The following NKAIN2 variants were observed in gnomAD, a reference collection of about 807,000 sequenced individuals.
NKAIN2 encodes the protein sodium/potassium-transporting ATPase subunit beta-1-interacting protein 2.
In NKAIN2, 14 loss-of-function variants were observed where a neutral mutation model predicts 32.6. The observed-to-expected ratio is 0.43, with a 90% CI of 0.28 to 0.67. NKAIN2 has a LOEUF of 0.67. Among genes scored for constraint, NKAIN2 ranks in the 30% least tolerant of loss-of-function variants. The pLI, the probability that NKAIN2 is intolerant of heterozygous loss-of-function variation, is 0.17. For synonymous variants in NKAIN2, 80 were observed against 87.2 expected (o/e 0.92, Z 0.46); for missense variants, 198 against 258.3 (o/e 0.77, Z 1.60).
intron 1 of NKAIN2, among the ~76,000 whole-genome samples, chr6:123,988,833 A>C (rs1382084163): frequency 3.3e-5 from 5 of 151,892 alleles, no homozygotes; most frequent in Non-Finnish European, 4.4e-5. Context: ...AGTAGTTTGT[A>C]GTAAAACTGA....
At chr6:124,651,680 G>A (rs1260233185) in intron 3 of NKAIN2, among the ~76,000 whole-genome samples, 3 of 152,082 alleles carry the variant, frequency 2.0e-5, no homozygotes, top group Admixed American at 6.5e-5. Flanking sequence ...ATAAACACAG[G>A]GAACAGAGGC....
intron 3 of NKAIN2, among the ~76,000 whole-genome samples, chr6:124,543,413 A>T (rs1047301904): frequency 6.6e-6 from 1 of 152,212 alleles, no homozygotes; most frequent in African/African-American, 2.4e-5. Context: ...CTTCATTGTA[A>T]TAAGAAAACT....
intron 1 of NKAIN2, among the ~76,000 whole-genome samples, chr6:123,869,689 T>C (rs1179081006): frequency 6.6e-6 from 1 of 152,214 alleles, no homozygotes; most frequent in Admixed American, 6.5e-5. Flanking sequence ...CATATGTGTT[T>C]CTATTTAGTT....
chr6:123,818,354 AACACACACACACACACAC>A (rs36066775), intron 1 of NKAIN2, among the ~76,000 whole-genome samples: 34 of 144,622 alleles, frequency 2.4e-4, no homozygotes, highest in African/African-American at 4.0e-4. Context: ...TTCTTGTGGA[AACACACACACACACACAC>A]ACACACACAC....
At chr6:124,462,772 A>G (rs1776583529) in intron 3 of NKAIN2, among the ~76,000 whole-genome samples, 1 of 152,082 alleles carries the variant, frequency 6.6e-6, no homozygotes, top group African/African-American at 2.4e-5. Flanking sequence ...TTTTATATGT[A>G]CTTCGATGTA....
Position 124,412,824 on chromosome 6 carries a change from A to C in NKAIN2, c.273+57477A>C, listed in dbSNP as rs189386715. On this transcript the variant is annotated intron_variant, in intron 3 of 6. Coordinates refer to ENST00000368417, the MANE Select transcript of NKAIN2 (RefSeq NM_001040214.3). ...CCTTGATCTGTGGTGGGCTCCACCC[A>C]GTTCGAGCTTCCTGGCTGCTTTGTT... Among the ~76,000 whole-genome samples the C allele has an allele frequency of 1.0e-3, 155 of 152,298 alleles. 1 individual carries two copies. Among genetic ancestry groups the C allele is most frequent in the African/African-American group, 3.6e-3 (150 of 41,566 alleles).
chr6:124,526,952 A>G (rs2114811006), intron 3 of NKAIN2, among the ~76,000 whole-genome samples: 1 of 152,194 alleles, frequency 6.6e-6, no homozygotes, highest in South Asian at 2.1e-4. Flanking sequence ...TTTCCTTATT[A>G]GCCTCAGCTA....
chr6:123,952,835 T>C (rs1479023174), intron 1 of NKAIN2, among the ~76,000 whole-genome samples: 2 of 152,186 alleles, frequency 1.3e-5, no homozygotes, highest in South Asian at 4.1e-4. Context: ...CACTGAGCTT[T>C]TAAAATATTT....
chr6:124,612,821 T>A (rs1175693773), intron 3 of NKAIN2, among the ~76,000 whole-genome samples: 1 of 152,144 alleles, frequency 6.6e-6, no homozygotes, highest in Non-Finnish European at 1.5e-5. Context: ...CAACTATGTA[T>A]CCTTATATGA....
At chr6:124,531,324 A>G (rs917650991) in intron 3 of NKAIN2, among the ~76,000 whole-genome samples, 1 of 152,214 alleles carries the variant, frequency 6.6e-6, no homozygotes, top group Non-Finnish European at 1.5e-5. Flanking sequence ...TTTTCTAACC[A>G]AAACTTATTC....
chr6:124,161,338 A>G (rs1303735158), intron 1 of NKAIN2, among the ~76,000 whole-genome samples: 1 of 152,092 alleles, frequency 6.6e-6, no homozygotes, highest in Non-Finnish European at 1.5e-5. Flanking sequence ...AACAGCACCA[A>G]GGTATAAATC....
chr6:124,248,391 T>C (rs1793526202), intron 1 of NKAIN2, among the ~76,000 whole-genome samples: 1 of 152,040 alleles, frequency 6.6e-6, no homozygotes, highest in African/African-American at 2.4e-5. Flanking sequence ...CCTGTGTTTG[T>C]TTTATGTCTT....
intron 1 of NKAIN2, among the ~76,000 whole-genome samples, chr6:123,895,665 C>G (rs1399102286): frequency 2.0e-5 from 3 of 152,116 alleles, no homozygotes; most frequent in Admixed American, 6.6e-5. Flanking sequence ...TTTGACAGCT[C>G]TAATGCAAAC....
chr6:124,756,684 G>GA lies in NKAIN2; in HGVS notation c.475-34648dup, dbSNP rs761080414. Reference sequence around the variant, plus strand: ...AAATAGAAAGAAGGCAACTTACAATGAAAAAAACTAGAAGCAAAATGAAGA... The same window carrying GA: ...AAATAGAAAGAAGGCAACTTACAATGAAAAAAAACTAGAAGCAAAATGAAGA... On this transcript the variant is annotated intron_variant, in intron 4 of 6. Coordinates refer to ENST00000368417, the MANE Select transcript of NKAIN2 (RefSeq NM_001040214.3). Among the ~76,000 whole-genome samples the GA allele has an allele frequency of 6.6e-4, 101 of 151,954 alleles. 1 individual carries two copies. The highest frequency in any genetic ancestry group is 1.1e-3 in the Non-Finnish European group (73 of 67,966).
intron 1 of NKAIN2, among the ~76,000 whole-genome samples, chr6:123,958,388 T>C (rs1777695488): frequency 6.6e-6 from 1 of 152,232 alleles, no homozygotes; most frequent in African/African-American, 2.4e-5. Flanking sequence ...GTCTGCTCCG[T>C]CACCTCTGTG....
chr6:124,186,244 A>C (rs1789733560), intron 1 of NKAIN2, among the ~76,000 whole-genome samples: 1 of 151,926 alleles, frequency 6.6e-6, no homozygotes, highest in South Asian at 2.1e-4. Flanking sequence ...GAGAAAGGAA[A>C]GAAAGAAAAG....
intron 3 of NKAIN2, among the ~76,000 whole-genome samples, chr6:124,421,600 G>A (rs115864711): frequency 0.012 from 1,807 of 152,130 alleles, 27 homozygotes; most frequent in African/African-American, 0.042. Context: ...TTTTGTACTA[G>A]CAAAGATAAT....
At chr6:124,673,066 G>A (rs1166020134) in intron 4 of NKAIN2, among the ~76,000 whole-genome samples, 1 of 151,858 alleles carries the variant, frequency 6.6e-6, no homozygotes, top group Non-Finnish European at 1.5e-5. Flanking sequence ...CAAGCTTCTG[G>A]CACCCACCAT....
chr6:123,808,137 C>T (rs540185539), intron 1 of NKAIN2, among the ~76,000 whole-genome samples: 40 of 152,152 alleles, frequency 2.6e-4, no homozygotes, highest in South Asian at 6.2e-4. Context: ...GAAAATAAAG[C>T]GTTGCTGTGA....
Sources: allele counts gnomAD v4.1 joint callset (sites outside exome capture counted in the v4.1 genomes callset), GRCh38; gene constraint gnomAD v4.1.1; transcripts MANE v1.5; gene names NCBI Gene and HGNC (gene_info 2026-07-23, HGNC 2026-07-21).